The following SI variants were observed in gnomAD, a reference collection of about 807,000 sequenced individuals.
SI encodes sucrase-isomaltase, intestinal.
A neutral mutation model predicts 253.3 loss-of-function variants in SI; 235 were observed. That is an observed-to-expected ratio of 0.93 (90% CI 0.83 to 1.03). The LOEUF (loss-of-function observed/expected upper bound fraction) is 1.03. Ranked by LOEUF, SI falls within the 50% of genes least tolerant of loss-of-function variation. The pLI is 0.00. For missense variants in SI, 2,442 were observed against 2,211.1 expected (o/e 1.10, Z -2.09); for synonymous variants, 819 against 712.0 (o/e 1.15, Z -2.39).
chr3:164,979,564 C>G (rs1394357263), intron 47 of SI, 134 bp from the exon 48 acceptor site: 1 of 551,240 alleles, frequency 1.8e-6, no homozygotes, highest in Non-Finnish European at 3.2e-6. Flanking sequence ...GAAATTTTTA[C>G]TCTCAGAAAG....
At chr3:164,998,234 T>C (rs115567181) in intron 38 of SI, among the ~76,000 whole-genome samples, 32 of 151,932 alleles carry the variant, frequency 2.1e-4, no homozygotes, top group African/African-American at 7.7e-4. Flanking sequence ...CTAGAATTTC[T>C]ATTCATTTCT....
rs752787890 is a variant in SI at position 165,074,621 on chromosome 3, T to G, written c.165A>C (p.Thr55=). The stretch of plus-strand genomic sequence containing the variant: ...GACATTTTCCTGAATCAGAAGGATT[T>G]GTAGTCACACGAGTAGTAGCTGGAG... ...TSTPATTRVT[T]NPSDSGKCPN... Residue 55 remains threonine (T), a synonymous_variant, in exon 3 of 48, where the codon ACA becomes ACC. Coordinates refer to ENST00000264382, the MANE Select transcript of SI (RefSeq NM_001041.4). 1 of 1,610,926 alleles carries G rather than the reference T, an allele frequency of 6.2e-7. No homozygotes were observed. The highest frequency in any genetic ancestry group is 1.3e-5 in the African/African-American group (1 of 74,798).
intron 5 of SI, among the ~76,000 whole-genome samples, chr3:165,068,226 A>C (rs1429261586): frequency 6.6e-6 from 1 of 152,106 alleles, no homozygotes; most frequent in South Asian, 2.1e-4. Flanking sequence ...GTTTCTTGAG[A>C]ATGTTTATTT....
At chr3:165,089,221 G>T in the SI span, among the ~76,000 whole-genome samples, 22 of 151,724 alleles carry the variant, frequency 1.5e-4, no homozygotes, top group African/African-American at 5.3e-4. Context: ...GAATTCAGAC[G>T]GAAGTGATAA....
chr3:165,069,103 A>G lies in SI; in HGVS notation c.348T>C (p.Val116=). The change falls in exon 4 of 48, where the codon GTT becomes GTC. Residue 116 remains valine, a synonymous_variant. Transcript: ENST00000264382. ...CAATACTTGTTGTTGTCATGTCTTG[A>G]ACGTTATAACCATGATTATCAACGA... is the stretch of plus-strand genomic sequence containing the variant. The part of the protein sequence containing the change: ...CFFVDNHGYN[V]QDMTTTSIGV... 3.7e-6 allele frequency: 6 copies of G among 1,611,434 alleles called. No homozygotes were observed. Among genetic ancestry groups the G allele is most frequent in the Non-Finnish European group, 5.1e-6 (6 of 1,177,780 alleles).
At chr3:165,065,979 G>T (rs1462390749) in intron 6 of SI, among the ~76,000 whole-genome samples, 1 of 151,778 alleles carries the variant, frequency 6.6e-6, no homozygotes, top group African/African-American at 2.4e-5. Flanking sequence ...TTGACAATTA[G>T]TCATTGCATA....
intron 2 of SI, among the ~76,000 whole-genome samples, chr3:165,075,684 C>A (rs1403463433): frequency 4.0e-5 from 6 of 151,826 alleles, no homozygotes; most frequent in African/African-American, 1.5e-4. Context: ...CAATTCATGT[C>A]AAAGCACATG....
intron 35 of SI, among the ~76,000 whole-genome samples, chr3:165,008,567 C>T (rs1718624639): frequency 6.6e-6 from 1 of 151,800 alleles, no homozygotes; most frequent in African/African-American, 2.4e-5. Context: ...TAAGAGAATC[C>T]CTTATGGTAT....
intron 18 of SI, 130 bp downstream of exon 18, chr3:165,040,810 C>T (rs1357547145): frequency 4.3e-6 from 3 of 703,614 alleles, no homozygotes; most frequent in Non-Finnish European, 5.0e-6. Context: ...CTCTTCAAAT[C>T]ATTTACACCA....
chr3:164,987,359 A>G (rs1237934198), intron 44 of SI, 133 bp from the exon 45 acceptor site: 1 of 700,240 alleles, frequency 1.4e-6, no homozygotes, highest in African/African-American at 1.8e-5. Context: ...GACTAAGAAA[A>G]TTAAAGCATT....
chr3:165,072,142 C>G (rs1714618047), intron 3 of SI, among the ~76,000 whole-genome samples: 1 of 151,908 alleles, frequency 6.6e-6, no homozygotes, highest in Non-Finnish European at 1.5e-5. Flanking sequence ...TATATGAAAA[C>G]CTAAGATAAA....
At chr3:165,026,406 A>C (rs1353636592) in intron 25 of SI, among the ~76,000 whole-genome samples, 1 of 151,288 alleles carries the variant, frequency 6.6e-6, no homozygotes, top group East Asian at 1.9e-4. Flanking sequence ...TACTCCACTG[A>C]TAGTACTAGA....
At chr3:165,076,428 A>G (rs1380677594) in intron 1 of SI, among the ~76,000 whole-genome samples, 1 of 151,822 alleles carries the variant, frequency 6.6e-6, no homozygotes, top group African/African-American at 2.4e-5. Context: ...GGAAATAGTT[A>G]TTCACATTTT....
chr3:165,069,695 C>T (rs965231290), intron 3 of SI, among the ~76,000 whole-genome samples: 1 of 151,874 alleles, frequency 6.6e-6, no homozygotes, highest in Admixed American at 6.6e-5. Flanking sequence ...AGTTTATGTG[C>T]CAGGTATCAC....
rs1473706591 is a variant in SI at position 165,048,560 on chromosome 3, T to C, written c.1715+567A>G. Among the ~76,000 whole-genome samples, 18 of 69,754 alleles carry C rather than the reference T, an allele frequency of 2.6e-4. 1 individual carries two copies. In the Admixed American group the frequency reaches 3.1e-3, roughly 12 times the overall value. The allele number at this position is 69,754 out of a possible 152,430, so 45.8% of individuals were successfully genotyped here. On this transcript the variant is annotated intron_variant, in intron 15 of 47. Transcript: ENST00000264382. ...TCTTAGTTAAATATATATATACATA[T>C]ATATATGTATATATATATATATATA...
intron 22 of SI, among the ~76,000 whole-genome samples, chr3:165,033,789 A>G (rs1348036576): frequency 6.6e-6 from 1 of 151,540 alleles, no homozygotes; most frequent in African/African-American, 2.4e-5. Flanking sequence ...TGTAAACCTC[A>G]TAACAGTACA....
chr3:165,063,671 C>A, intron 7 of SI, 130 bp from the exon 8 acceptor site: 1 of 533,408 alleles, frequency 1.9e-6, no homozygotes, highest in South Asian at 2.4e-5. Flanking sequence ...CACAAATTGT[C>A]TTCACTATAT....
At position 165,055,268 on chromosome 3, in the gene SI, G is replaced by T. The variant is rs752986538; in HGVS notation, c.1438C>A (p.Pro480Thr). ...GLTVYPDFTN[P>T]NCIDWWANEC... ...TTTGCCCACCAATCAATGCAGTTTGGGTTAGTGAAATCAGGGTATACTGTT... is the reference window on the plus strand; with the variant it reads ...TTTGCCCACCAATCAATGCAGTTTGTGTTAGTGAAATCAGGGTATACTGTT... The change falls in exon 13 of 48, where the codon CCA becomes ACA. Residue 480 changes from proline (P) to threonine (T), a missense_variant. Pro to Thr is a conservative substitution (Grantham distance 38). Coordinates refer to ENST00000264382, the MANE Select transcript of SI (RefSeq NM_001041.4). 66 of 1,610,986 alleles carry T rather than the reference G, an allele frequency of 4.1e-5. No individual in the cohort carries two copies. The highest frequency in any genetic ancestry group is 5.6e-5 in the Non-Finnish European group (66 of 1,177,928).
Position 165,029,632 on chromosome 3 carries a change from TTA to T in SI, c.2892+1078_2892+1079del, listed in dbSNP as rs539892327. Among the ~76,000 whole-genome samples the T allele has an allele frequency of 5.5e-4, 50 of 91,304 alleles. No homozygotes were observed. The East Asian group carries it at 0.022, about 39-fold the overall frequency. 59.9% of individuals were successfully genotyped at this position (91,304 alleles called of 152,430 possible). A position where few individuals can be genotyped will look rare whatever the true frequency, so the allele number is the denominator to read the frequency against. On this transcript the variant is annotated intron_variant, in intron 25 of 47. Coordinates refer to ENST00000264382, the MANE Select transcript of SI (RefSeq NM_001041.4). ...TATGTATATATATGTAACATTAGCC[TTA>T]TATATATATATAACATTAAAATTAT...
Sources: gnomAD v4.1 joint callset for allele counts (sites outside exome capture counted in the v4.1 genomes callset) on GRCh38, gnomAD v4.1.1 for gene constraint, MANE v1.5 for transcripts, NCBI Gene and HGNC (gene_info 2026-07-23, HGNC 2026-07-21) for gene names.